Variants in DPYSL2 observed in about 807,000 individuals in gnomAD.
DPYSL2 encodes dihydropyrimidinase like 2, also known as dihydropyrimidinase-related protein 2.
Under a neutral mutation model 69.9 loss-of-function variants are expected in DPYSL2, and 13 were observed. That is an observed-to-expected ratio of 0.19 (90% CI 0.12 to 0.30). The LOEUF (loss-of-function observed/expected upper bound fraction) is 0.30, where lower values mean the gene tolerates loss of function less well. Ranked by LOEUF, DPYSL2 falls within the 10% of genes least tolerant of loss-of-function variation. DPYSL2 has a pLI of 1.00. For missense variants in DPYSL2, 587 were observed against 918.9 expected, an observed-to-expected ratio of 0.64 and a Z score of 4.67; for synonymous variants, 326 against 359.1, an observed-to-expected ratio of 0.91 and a Z score of 1.04.
intron 1 of DPYSL2, among the ~76,000 whole-genome samples, chr8:26,556,438 G>A (rs891844648): frequency 3.2e-5 from 4 of 125,158 alleles, no homozygotes; most frequent in African/African-American, 9.0e-5. Flanking sequence ...AATAAATCCC[G>A]AAGAATCAAC....
In DPYSL2 at chr8:26,514,463, G is replaced by T; in HGVS notation, c.138G>T (p.Glu46Asp). The T allele has an allele frequency of 2.6e-6, 4 of 1,529,006 alleles. No homozygotes were observed. The highest frequency in any genetic ancestry group is 3.5e-6 in the Non-Finnish European group (4 of 1,144,424). 94.7% of individuals were successfully genotyped at this position (1,529,006 alleles called of 1,614,324 possible). ...TCTGCCCGGTGGAAGGGTCCTCGGA[G>T]AACAAGACCATCGACTTCGACTCGC... Reference protein sequence around the residue: ...GMFCPVEGSSENKTIDFDSLS... With the variant: ...GMFCPVEGSSDNKTIDFDSLS... The change falls in exon 1 of 14, where the codon GAG becomes GAT. Residue 46 changes from glutamate (E) to aspartate (D), a missense_variant. Glu to Asp is a conservative substitution (Grantham distance 45, BLOSUM62 2). This residue lies in a region of DPYSL2 where 50 missense variants were observed against 86.8 expected (regional missense o/e 0.58). Coordinates refer to ENST00000521913, the MANE Select transcript of DPYSL2 (RefSeq NM_001197293.3). This position sits in a 1 kb window ranked among gnomAD's most constrained non-coding sequence, Gnocchi z 8.4.
intron 11 of DPYSL2, among the ~76,000 whole-genome samples, chr8:26,649,326 CT>C (rs1477080648): frequency 6.6e-6 from 1 of 152,190 alleles, no homozygotes; most frequent in Non-Finnish European, 1.5e-5. Flanking sequence ...TGCAAGGTTG[CT>C]TCCCCCAGAG....
In DPYSL2 at chr8:26,654,111, G is replaced by A. The variant is rs1336514026; in HGVS notation, c.1942+714G>A. On this transcript the variant is annotated intron_variant, in intron 13 of 13. Transcript: ENST00000521913. This position sits in a 1 kb window ranked among gnomAD's most constrained non-coding sequence, Gnocchi z 5.0. ...CTAACTTCAGGGCTCAGCTCTGGCT[G>A]TGCTTCAGTCTCCTCACCTGTATAA... Among the ~76,000 whole-genome samples the A allele has an allele frequency of 1.3e-5, 2 of 152,204 alleles. No homozygotes were observed. Among genetic ancestry groups the A allele is most frequent in the Non-Finnish European group, 2.9e-5 (2 of 68,048 alleles).
chr8:26,628,545 T>A (rs1049248597), intron 7 of DPYSL2, among the ~76,000 whole-genome samples: 1 of 152,200 alleles, frequency 6.6e-6, no homozygotes, highest in Non-Finnish European at 1.5e-5. Flanking sequence ...GAACCTGTGT[T>A]CATCAGTTAG....
Position 26,593,184 on chromosome 8 carries a change from G to A in DPYSL2, c.628+9201G>A, listed in dbSNP as rs1479011977. The stretch of plus-strand genomic sequence containing the variant: ...AGGATGTTGCTGGGGGTTGGGTCGC[G>A]GTGGCTGAGGCTGCTGTCCAGTTAA... On this transcript the variant is annotated intron_variant, in intron 3 of 13. Coordinates refer to ENST00000521913, the MANE Select transcript of DPYSL2 (RefSeq NM_001197293.3). The surrounding 1 kb of genome is among the most constrained non-coding windows in gnomAD (Gnocchi z 5.7). Among the ~76,000 whole-genome samples, 1 of 152,128 alleles carries A rather than the reference G, an allele frequency of 6.6e-6. No individual in the cohort carries two copies. The highest frequency in any genetic ancestry group is 1.5e-5 in the Non-Finnish European group (1 of 68,026).
At position 26,624,019 on chromosome 8, in the gene DPYSL2, G is replaced by A. The variant is rs892864919; in HGVS notation, c.629-124G>A. Reference sequence around the variant, plus strand: ...TTACATGGATTCTTAGAAGCTGGTTGTAGAGATCACCATCTCGATTTTGAA... The same window carrying A: ...TTACATGGATTCTTAGAAGCTGGTTATAGAGATCACCATCTCGATTTTGAA... On this transcript the variant is annotated intron_variant, in intron 3 of 13. Transcript: ENST00000521913. This position sits in a 1 kb window ranked among gnomAD's most constrained non-coding sequence, Gnocchi z 4.7. The A allele has an allele frequency of 3.0e-6, 3 of 985,488 alleles. No individual in the cohort carries two copies. The highest frequency in any genetic ancestry group is 4.6e-6 in the Non-Finnish European group (3 of 657,648). 61.0% of individuals were successfully genotyped at this position (985,488 alleles called of 1,614,324 possible).
In DPYSL2 at chr8:26,627,337, G is replaced by T. The variant is rs768950931; in HGVS notation, c.936+42G>T. The T allele has an allele frequency of 8.8e-6, 14 of 1,599,928 alleles. No individual in the cohort carries two copies. The highest frequency in any genetic ancestry group is 1.7e-5 in the Admixed American group (1 of 59,910). Reference sequence around the variant, plus strand: ...TTCGTCATTTCTTCATCACCTGGAGGGTGAGAGGCAGGCTCAAGAAAGGGA... The same window carrying T: ...TTCGTCATTTCTTCATCACCTGGAGTGTGAGAGGCAGGCTCAAGAAAGGGA... On this transcript the variant is annotated intron_variant, in intron 6 of 13. Coordinates refer to ENST00000521913, the MANE Select transcript of DPYSL2 (RefSeq NM_001197293.3). This position sits in a 1 kb window ranked among gnomAD's most constrained non-coding sequence, Gnocchi z 6.9.
rs907361478 is a variant in DPYSL2 at position 26,640,435 on chromosome 8, G to A, written c.1127-3004G>A. ...CAGAAGGGCCAATTAAGCCCATTTC[G>A]TGGTTTATTATTATTAGTGGTAATT... On this transcript the variant is annotated intron_variant, in intron 8 of 13. Coordinates refer to ENST00000521913, the MANE Select transcript of DPYSL2 (RefSeq NM_001197293.3). This position sits in a 1 kb window ranked among gnomAD's most constrained non-coding sequence, Gnocchi z 4.2. Among the ~76,000 whole-genome samples, 10 of 152,176 alleles carry A rather than the reference G, an allele frequency of 6.6e-5. No homozygotes were observed. Among genetic ancestry groups the A allele is most frequent in the Non-Finnish European group, 8.8e-5 (6 of 68,030 alleles).
chr8:26,584,613 CTTTTTTTTTTTTTT>C (rs35587383), intron 3 of DPYSL2, among the ~76,000 whole-genome samples: 2 of 100,138 alleles, frequency 2.0e-5, no homozygotes, highest in Non-Finnish European at 3.9e-5. Flanking sequence ...GGGCTTTGTG[CTTTTTTTTTTTTTT>C]TTTTTTTTTG....
intron 3 of DPYSL2, among the ~76,000 whole-genome samples, chr8:26,603,182 A>T (rs1000030896): frequency 4.0e-5 from 6 of 151,480 alleles, no homozygotes; most frequent in Admixed American, 6.6e-5. Flanking sequence ...TATTTTTATT[A>T]TTTTTTTTGA....
At chr8:26,599,196 G>A (rs949984166) in intron 3 of DPYSL2, among the ~76,000 whole-genome samples, 2 of 152,318 alleles carry the variant, frequency 1.3e-5, no homozygotes, top group South Asian at 2.1e-4. Flanking sequence ...CCTGTGGCTT[G>A]TAGGCATTTG....
chr8:26,540,167 A>G (rs1041525165), intron 1 of DPYSL2, among the ~76,000 whole-genome samples: 1 of 152,198 alleles, frequency 6.6e-6, no homozygotes, highest in South Asian at 2.1e-4. Flanking sequence ...CAACAAAGAG[A>G]TAAAATAATC....
intron 1 of DPYSL2, among the ~76,000 whole-genome samples, chr8:26,561,596 A>G (rs1398016789): frequency 6.6e-6 from 1 of 150,986 alleles, no homozygotes; most frequent in African/African-American, 2.4e-5. Flanking sequence ...TCTTTCTTAC[A>G]TCCATTAATA....
chr8:26,644,906 A>G lies in DPYSL2; in HGVS notation c.1425+815A>G, dbSNP rs575150193. On this transcript the variant is annotated intron_variant, in intron 10 of 13. Transcript: ENST00000521913. This position sits in a 1 kb window ranked among gnomAD's most constrained non-coding sequence, Gnocchi z 4.5. The stretch of plus-strand genomic sequence containing the variant: ...ATGTTTTAAAATATATTAACAGAAT[A>G]GGTTTTCTGTTTTTTAGTGAATTGT... 6.6e-6 allele frequency among the ~76,000 whole-genome samples: 1 copy of G among 152,280 alleles called. No individual in the cohort carries two copies. Among genetic ancestry groups the G allele is most frequent in the Non-Finnish European group, 1.5e-5 (1 of 68,020 alleles).
intron 3 of DPYSL2, among the ~76,000 whole-genome samples, chr8:26,601,891 G>A (rs1802001150): frequency 6.6e-6 from 1 of 152,228 alleles, no homozygotes; most frequent in East Asian, 1.9e-4. Flanking sequence ...TGGTGCGAAA[G>A]CAGGGATATT....
intron 1 of DPYSL2, among the ~76,000 whole-genome samples, chr8:26,555,403 G>C (rs995929484): frequency 7.2e-5 from 11 of 152,144 alleles, no homozygotes; most frequent in African/African-American, 2.7e-4. Flanking sequence ...ATTATATCAA[G>C]ATTGTAGGAT....
At chr8:26,521,609 C>T (rs1382491210) in intron 1 of DPYSL2, among the ~76,000 whole-genome samples, 2 of 152,104 alleles carry the variant, frequency 1.3e-5, no homozygotes, top group Admixed American at 1.3e-4. Context: ...TGTTTAATTC[C>T]AGAACATTTT....
In DPYSL2 at chr8:26,566,849, C is replaced by T. The variant is rs538092357; in HGVS notation, c.355-15120C>T. ...TTTATTCATCTATCCATTGTGCACC[C>T]GCCTACCCACCCATCTATCCATCCA... On this transcript the variant is annotated intron_variant, in intron 1 of 13. Transcript: ENST00000521913. Among the ~76,000 whole-genome samples, 143 of 152,196 alleles carry T rather than the reference C, an allele frequency of 9.4e-4. 1 individual carries two copies. Among genetic ancestry groups the T allele is most frequent in the African/African-American group, 3.2e-3 (134 of 41,514 alleles).
At chr8:26,542,023 C>T (rs1049891112) in intron 1 of DPYSL2, among the ~76,000 whole-genome samples, 1 of 152,142 alleles carries the variant, frequency 6.6e-6, no homozygotes, top group Non-Finnish European at 1.5e-5. Flanking sequence ...GTAATCCCAA[C>T]AATCTGGGAG....
Sources: gnomAD v4.1 joint callset for allele counts (sites outside exome capture counted in the v4.1 genomes callset) on GRCh38, gnomAD v4.1.1 for gene constraint, gnomAD v4.1.1 regional missense constraint, Gnocchi (gnomAD v3.1) non-coding constraint, MANE v1.5 for transcripts, NCBI Gene and HGNC (gene_info 2026-07-23, HGNC 2026-07-21) for gene names.